The following ZFYVE26 variants were observed in gnomAD, a reference collection of about 807,000 sequenced individuals.
The protein encoded by ZFYVE26 is zinc finger FYVE-type containing 26, also known as zinc finger FYVE domain-containing protein 26.
Under a neutral mutation model 276.5 loss-of-function variants are expected in ZFYVE26, and 181 were observed. That is an observed-to-expected ratio of 0.65 (90% CI 0.58 to 0.74). ZFYVE26 has a LOEUF of 0.74. Among genes scored for constraint, ZFYVE26 ranks in the 30% least tolerant of loss-of-function variants. ZFYVE26 has a pLI of 0.00. For synonymous variants in ZFYVE26, 1,129 were observed against 1,203.1 expected (o/e 0.94, Z 1.27); for missense variants, 2,821 against 3,097.9 (o/e 0.91, Z 2.12).
Position 67,764,017 on chromosome 14 carries a change from T to C in ZFYVE26, c.6012-1198A>G, listed in dbSNP as rs531377028. Among the ~76,000 whole-genome samples, 19 of 152,332 alleles carry C rather than the reference T, an allele frequency of 1.2e-4. No homozygotes were observed. In the South Asian group the frequency reaches 3.5e-3, roughly 28 times the overall value. ...GAAGCATCCTGGTCCTTCACTCTTA[T>C]TCTAGACTTGACATCCTCACCCTGG... is the stretch of plus-strand genomic sequence containing the variant. On this transcript the variant is annotated intron_variant, in intron 32 of 41. Coordinates refer to ENST00000347230, the MANE Select transcript of ZFYVE26 (RefSeq NM_015346.4).
chr14:67,761,065 A>G, intron 35 of ZFYVE26: 1 of 609,952 alleles, frequency 1.6e-6, no homozygotes, highest in Non-Finnish European at 2.9e-6. Context: ...ACTCACACTG[A>G]GCATCTCATT....
chr14:67,783,672 A>G (rs1206718675), intron 20 of ZFYVE26, 147 bp from the exon 21 acceptor site: 4 of 1,022,594 alleles, frequency 3.9e-6, no homozygotes, highest in East Asian at 5.2e-5. Flanking sequence ...AAAGTAGCCT[A>G]TTAGACATAT....
At chr14:67,746,153 T>G (rs2038484380), downstream of ZFYVE26, among the ~76,000 whole-genome samples, 1 of 152,108 alleles carries the variant, frequency 6.6e-6, no homozygotes, top group Non-Finnish European at 1.5e-5. Flanking sequence ...CTTTAGTCAT[T>G]TGCTCTGGAA....
At chr14:67,756,689 A>G (rs969063025) in intron 35 of ZFYVE26, among the ~76,000 whole-genome samples, 38 of 151,550 alleles carry the variant, frequency 2.5e-4, no homozygotes, top group Admixed American at 2.0e-3. Context: ...ATCCCTCCCA[A>G]TCTCCCCAGG....
chr14:67,804,529 G>T (rs1257396243), intron 8 of ZFYVE26, among the ~76,000 whole-genome samples: 3 of 152,160 alleles, frequency 2.0e-5, no homozygotes, highest in Non-Finnish European at 2.9e-5. Flanking sequence ...AGGTCCTACA[G>T]ACTGAATTTT....
chr14:67,749,067 G>A (rs2038565197), intron 41 of ZFYVE26, among the ~76,000 whole-genome samples: 1 of 152,110 alleles, frequency 6.6e-6, no homozygotes, highest in Admixed American at 6.5e-5. Flanking sequence ...AGCTTCATGA[G>A]GGCAAGAGTA....
chr14:67,782,984 T>C lies in ZFYVE26; in HGVS notation c.4168A>G (p.Asn1390Asp), dbSNP rs536009971. The change falls in exon 21 of 42, where the codon AAT becomes GAT. Residue 1390 changes from asparagine to aspartate, a missense_variant. Physicochemically the swap from Asn to Asp is conservative, Grantham distance 23 (BLOSUM62 1). Transcript: ENST00000347230. ...SLQQGQSLAV[N>D]LCGWASLSTV... ...GAAAGACTGGCCCAACCACAGAGAT[T>C]CACTGCCAGACTCTGCCCCTGCTGC... is the stretch of plus-strand genomic sequence containing the variant. The C allele has an allele frequency of 9.9e-6, 16 of 1,614,130 alleles. No homozygotes were observed. The African/African-American group carries it at 2.0e-4, about 20-fold the overall frequency.
At chr14:67,815,074 A>G (rs2040374908) in intron 2 of ZFYVE26, among the ~76,000 whole-genome samples, 1 of 152,242 alleles carries the variant, frequency 6.6e-6, no homozygotes, top group Non-Finnish European at 1.5e-5. Context: ...AAATACAAAG[A>G]GGTAGCACCA....
chr14:67,761,196 T>C (rs2038918144), intron 35 of ZFYVE26, 170 bp downstream of exon 35: 1 of 726,106 alleles, frequency 1.4e-6, no homozygotes, highest in African/African-American at 1.7e-5. Context: ...TCACACTCAC[T>C]GAATAACAGT....
chr14:67,748,314 C>G lies in ZFYVE26; in HGVS notation c.*122G>C. The G allele has an allele frequency of 1.7e-6, 2 of 1,174,542 alleles. No individual in the cohort carries two copies. The highest frequency in any genetic ancestry group is 2.9e-5 in the South Asian group (2 of 68,620). The allele number at this position is 1,174,542 out of a possible 1,614,324, so 72.8% of individuals were successfully genotyped here. A position where few individuals can be genotyped will look rare whatever the true frequency, so the allele number is the denominator to read the frequency against. On this transcript the variant is annotated 3_prime_UTR_variant, in exon 42 of 42. Coordinates refer to ENST00000347230, the MANE Select transcript of ZFYVE26 (RefSeq NM_015346.4). ...AAGGCAAGTAGGGTCCAATCCAACT[C>G]TTTCCAACCTAGGGCAGAGCCAGAG... is the stretch of plus-strand genomic sequence containing the variant.
chr14:67,733,605 T>A, intron 13 of ZFYVE26: 1 of 604,958 alleles, frequency 1.7e-6, no homozygotes, highest in East Asian at 3.4e-5. Context: ...ATTTTTGGAG[T>A]GCATTTTGTA....
intron 3 of ZFYVE26, among the ~76,000 whole-genome samples, chr14:67,813,585 G>A (rs1489770214): frequency 6.6e-6 from 1 of 151,804 alleles, no homozygotes; most frequent in East Asian, 1.9e-4. Context: ...TTGAATCTAT[G>A]AGATGTCATG....
At chr14:67,779,081 CT>C (rs1400740091) in intron 23 of ZFYVE26, among the ~76,000 whole-genome samples, 1 of 150,898 alleles carries the variant, frequency 6.6e-6, no homozygotes, top group Admixed American at 6.6e-5. Flanking sequence ...TAAGTACTTC[CT>C]GAATGAACGA....
rs776502858 is a variant in ZFYVE26, at chr14:67,798,221, CA to C, written c.2040del (p.Asp681MetfsTer5). On this transcript the variant is annotated frameshift_variant, in exon 11 of 42. Transcript: ENST00000347230. LOFTEE classifies it high-confidence loss of function. Reference protein sequence around the residue: ...HFTSGISGFLADEFAIGAFLR... With the variant: ...HFTSGISGFLXDEFAIGAFLR... ...AGGAAGGCCCCTATTGCAAATTCAT[CA>C]GCCAGAAATCCACTGATACCACTAG... 10 of 1,614,212 alleles carry C rather than the reference CA, an allele frequency of 6.2e-6. No homozygotes were observed. The highest frequency in any genetic ancestry group is 8.5e-6 in the Non-Finnish European group (10 of 1,180,038).
Position 67,762,678 on chromosome 14 carries a change from G to A in ZFYVE26, c.6153C>T (p.Gly2051=), listed in dbSNP as rs752653466. 4.2e-5 allele frequency: 67 copies of A among 1,613,482 alleles called. No individual in the cohort carries two copies. The highest frequency in any genetic ancestry group is 9.3e-5 in the African/African-American group (7 of 74,918). ...GTCTTTGTCTTTGTCTCACCTCAACGCCCAGTTGGTAGTACTCGGCTTCCA... is the reference window on the plus strand; with the variant it reads ...GTCTTTGTCTTTGTCTCACCTCAACACCCAGTTGGTAGTACTCGGCTTCCA... The part of the protein sequence containing the change: ...QLLEAEYYQL[G]VEVSTKTGLD... The change falls in exon 33 of 42, where the codon GGC becomes GGT. Residue 2051 remains glycine (G), a synonymous_variant. Transcript: ENST00000347230.
At chr14:67,815,720 C>T in intron 2 of ZFYVE26, 50 bp downstream of exon 2, 2 of 1,588,520 alleles carry the variant, frequency 1.3e-6, no homozygotes, top group Non-Finnish European at 1.7e-6. Context: ...AAATATTGAA[C>T]CACATGTCTC....
intron 34 of ZFYVE26, 134 bp downstream of exon 34, chr14:67,762,069 A>C: frequency 9.6e-7 from 1 of 1,036,428 alleles, no homozygotes; most frequent in Admixed American, 2.1e-5. Flanking sequence ...GATGGAAAAA[A>C]AAAATTTTTA....
rs768176054 is a variant in ZFYVE26, at chr14:67,793,710, CA to C, written c.2450del (p.Leu817CysfsTer12). Reference protein sequence around the residue: ...MSGRNELHSRLHPHPQSSLIP... With the variant: ...MSGRNELHSRXHPHPQSSLIP... ...TGAGTGAACTTTGAGGATGGGGGTGCAATCTACTGTGCAGCTCATTCCGGCC... is the reference window on the plus strand; with the variant it reads ...TGAGTGAACTTTGAGGATGGGGGTGCATCTACTGTGCAGCTCATTCCGGCC... On this transcript the variant is annotated frameshift_variant, in exon 14 of 42. Transcript: ENST00000347230. LOFTEE classifies it high-confidence loss of function. The C allele has an allele frequency of 3.1e-5, 50 of 1,613,772 alleles. No individual in the cohort carries two copies. The highest frequency in any genetic ancestry group is 4.1e-5 in the Non-Finnish European group (48 of 1,179,930).
rs1460862631 is a variant in ZFYVE26, at chr14:67,815,804, G to C, written c.160C>G (p.Leu54Val). 2 of 1,613,794 alleles carry C rather than the reference G, an allele frequency of 1.2e-6. No homozygotes were observed. Among genetic ancestry groups the C allele is most frequent in the Non-Finnish European group, 1.7e-6 (2 of 1,180,038 alleles). ...GDIPKRVEDI[L>V]QALVVCPNLL... ...TTTGGACACACCACCAATGCCTGAAGTATGTCTTCTACCCTCTTTGGGATA... is the reference window on the plus strand; with the variant it reads ...TTTGGACACACCACCAATGCCTGAACTATGTCTTCTACCCTCTTTGGGATA... The change falls in exon 2 of 42, where the codon CTT becomes GTT. Residue 54 changes from leucine (L) to valine (V), a missense_variant. Physicochemically the swap from Leu to Val is conservative, Grantham distance 32. Transcript: ENST00000347230.
Sources: gnomAD v4.1 joint callset for allele counts (sites outside exome capture counted in the v4.1 genomes callset) on GRCh38, gnomAD v4.1.1 for gene constraint, MANE v1.5 for transcripts, NCBI Gene and HGNC (gene_info 2026-07-23, HGNC 2026-07-21) for gene names.